Variants in PLPPR1 observed in about 807,000 individuals in gnomAD.
PLPPR1 encodes the protein phospholipid phosphatase-related protein type 1.
PLPPR1 carries 10 observed loss-of-function variants against 33.1 expected under a neutral mutation model. The observed-to-expected ratio is 0.30, with a 90% confidence interval of 0.19 to 0.51. The LOEUF is 0.51. PLPPR1 is among the 20% of genes least tolerant of loss of function. The probability of loss-of-function intolerance (pLI) is 0.97; values close to 1 mark genes in which losing one functional copy is unlikely to be tolerated. For synonymous variants in PLPPR1, 151 were observed against 151.0 expected (o/e 1.00, Z 0.00); for missense variants, 304 against 408.1 (o/e 0.74, Z 2.20).
At chr9:101,090,178 G>T (rs564735561) in intron 1 of PLPPR1, among the ~76,000 whole-genome samples, 25 of 152,072 alleles carry the variant, frequency 1.6e-4, no homozygotes, top group Non-Finnish European at 3.2e-4. Context: ...TTTATATAAC[G>T]ACATGAGCCC....
chr9:101,240,424 T>TTTTTTTTTTTTTTGAGACGGAG (rs1827439509), intron 2 of PLPPR1, among the ~76,000 whole-genome samples: 1 of 152,028 alleles, frequency 6.6e-6, no homozygotes, highest in African/African-American at 2.4e-5. Flanking sequence ...TTTTTTCTCT[T>TTTTTTTTTTTTTTGAGACGGAG]TCTCTGAAGA....
At chr9:101,153,210 G>A (rs1436375126) in intron 1 of PLPPR1, among the ~76,000 whole-genome samples, 2 of 152,178 alleles carry the variant, frequency 1.3e-5, no homozygotes, top group South Asian at 2.1e-4. Context: ...TGTTACTGGT[G>A]TGTAAGAATG....
intron 6 of PLPPR1, among the ~76,000 whole-genome samples, chr9:101,313,904 G>T (rs1430944054): frequency 6.6e-6 from 1 of 151,952 alleles, no homozygotes; most frequent in African/African-American, 2.4e-5. Flanking sequence ...CATATTAATT[G>T]AATCATAATG....
In PLPPR1 at chr9:101,049,294, A is replaced by G. The variant is rs74995759; in HGVS notation, c.-46+20192A>G. Among the ~76,000 whole-genome samples, 1,292 of 152,348 alleles carry G rather than the reference A, an allele frequency of 8.5e-3. 17 individuals carry two copies. Among genetic ancestry groups the G allele is most frequent in the African/African-American group, 0.029 (1,217 of 41,578 alleles). ...AATATTTAAGGATGTATCCAGTGAT[A>G]CAGCATTTAGTAGATAAAATCTGGA... On this transcript the variant is annotated intron_variant, in intron 1 of 7. Coordinates refer to ENST00000374874, the MANE Select transcript of PLPPR1 (RefSeq NM_207299.2).
chr9:101,258,275 ATCCT>A (rs796381092), intron 2 of PLPPR1, among the ~76,000 whole-genome samples: 10 of 152,284 alleles, frequency 6.6e-5, no homozygotes, highest in African/African-American at 2.2e-4. Flanking sequence ...GTGTCTGTCC[ATCCT>A]TCCTTCCATC....
At chr9:101,240,161 C>G (rs1277841353) in intron 2 of PLPPR1, among the ~76,000 whole-genome samples, 2 of 151,868 alleles carry the variant, frequency 1.3e-5, no homozygotes, top group African/African-American at 2.4e-5. Context: ...TGTCCTTTTC[C>G]CAGTGTATAT....
chr9:101,234,204 G>C (rs924985147), intron 2 of PLPPR1, among the ~76,000 whole-genome samples: 1 of 151,854 alleles, frequency 6.6e-6, no homozygotes, highest in African/African-American at 2.4e-5. Flanking sequence ...ATGGAGCCAA[G>C]GTGTTGTTTT....
chr9:101,275,946 T>C (rs1045183798), intron 3 of PLPPR1, among the ~76,000 whole-genome samples: 13 of 151,922 alleles, frequency 8.6e-5, no homozygotes, highest in African/African-American at 2.4e-5. Context: ...TTGGAGAAAA[T>C]TGTGAATCTT....
intron 1 of PLPPR1, among the ~76,000 whole-genome samples, chr9:101,035,475 C>G (rs1829998840): frequency 6.6e-6 from 1 of 152,158 alleles, no homozygotes; most frequent in African/African-American, 2.4e-5. Flanking sequence ...TACCTTCAGG[C>G]CTTTCGCCAT....
intron 2 of PLPPR1, among the ~76,000 whole-genome samples, chr9:101,209,464 G>C (rs550607182): frequency 6.6e-6 from 1 of 152,146 alleles, no homozygotes; most frequent in African/African-American, 2.4e-5. Context: ...CTTTAGGGTC[G>C]TTTCTTGGAT....
In PLPPR1 at chr9:101,324,982, T is replaced by C. The variant is rs1829225648; in HGVS notation, c.*925T>C. The C allele has an allele frequency of 6.6e-6, 1 of 152,626 alleles. No individual in the cohort carries two copies. Among genetic ancestry groups the C allele is most frequent in the African/African-American group, 2.4e-5 (1 of 41,454 alleles). The allele number at this position is 152,626 out of a possible 1,614,324, so 9.5% of individuals were successfully genotyped here. The stretch of plus-strand genomic sequence containing the variant: ...TTAACTGCATCTCATTTTTCTAGCA[T>C]GGTGAGAACTAATATGTAACTCCTT... On this transcript the variant is annotated 3_prime_UTR_variant, in exon 8 of 8. Coordinates refer to ENST00000374874, the MANE Select transcript of PLPPR1 (RefSeq NM_207299.2).
chr9:101,032,124 G>T (rs1175963372), intron 1 of PLPPR1, among the ~76,000 whole-genome samples: 1 of 152,162 alleles, frequency 6.6e-6, no homozygotes, highest in Non-Finnish European at 1.5e-5. Context: ...CGACAGATAT[G>T]GGTTCTTAGC....
At chr9:101,260,492 C>T (rs77779348) in intron 2 of PLPPR1, among the ~76,000 whole-genome samples, 3,240 of 152,176 alleles carry the variant, frequency 0.021, 114 homozygotes, top group African/African-American at 0.074. Flanking sequence ...AAGACTTTGG[C>T]AACTGACCAG....
chr9:101,126,356 T>C (rs566934506), intron 1 of PLPPR1, among the ~76,000 whole-genome samples: 18 of 152,300 alleles, frequency 1.2e-4, no homozygotes, highest in African/African-American at 4.1e-4. Context: ...TTCTAAGCAA[T>C]AGACCAACTG....
chr9:101,213,134 C>T (rs1238973145), intron 2 of PLPPR1, among the ~76,000 whole-genome samples: 1 of 152,128 alleles, frequency 6.6e-6, no homozygotes, highest in Non-Finnish European at 1.5e-5. Context: ...GGTTCAAATT[C>T]ATGGTGGTTT....
intron 7 of PLPPR1, 57 bp from the exon 8 acceptor site, chr9:101,323,966 AGT>A: frequency 3.6e-6 from 5 of 1,406,418 alleles, no homozygotes; most frequent in Non-Finnish European, 5.0e-6. Flanking sequence ...GGGACAAGTG[AGT>A]GTGCACGTGT....
At chr9:101,060,257 G>T (rs1174588237) in intron 1 of PLPPR1, among the ~76,000 whole-genome samples, 1 of 151,990 alleles carries the variant, frequency 6.6e-6, no homozygotes, top group Non-Finnish European at 1.5e-5. Flanking sequence ...CTTATACGTG[G>T]AGTGTCAAAT....
chr9:101,288,535 G>A (rs113986667), intron 4 of PLPPR1, among the ~76,000 whole-genome samples: 1 of 151,934 alleles, frequency 6.6e-6, no homozygotes, highest in Non-Finnish European at 1.5e-5. Context: ...GCATTGAAAG[G>A]CAAAGGGGAT....
intron 4 of PLPPR1, among the ~76,000 whole-genome samples, chr9:101,304,521 A>C (rs1251165414): frequency 2.6e-5 from 4 of 152,242 alleles, no homozygotes; most frequent in Non-Finnish European, 5.9e-5. Flanking sequence ...AATCTATGCA[A>C]GTGTAAAGTT....
Sources: gnomAD v4.1 joint callset for allele counts (sites outside exome capture counted in the v4.1 genomes callset) on GRCh38, gnomAD v4.1.1 for gene constraint, MANE v1.5 for transcripts, NCBI Gene and HGNC (gene_info 2026-07-23, HGNC 2026-07-21) for gene names.